Variants in COTL1 observed in about 807,000 individuals in gnomAD.
COTL1 encodes coactosin like F-actin binding protein 1, also known as coactosin-like protein.
In COTL1, 15 loss-of-function variants were observed where a neutral mutation model predicts 16.5. That is an observed-to-expected ratio of 0.91 (90% CI 0.61 to 1.40). COTL1 has a LOEUF of 1.40. Among genes scored for constraint, COTL1 ranks in the 40% most tolerant of loss-of-function variants. The pLI is 0.00. For synonymous variants in COTL1, 112 were observed against 85.3 expected, an observed-to-expected ratio of 1.31 and a Z score of -1.73; for missense variants, 220 against 201.5, an observed-to-expected ratio of 1.09 and a Z score of -0.56.
rs1357964821 is a variant in COTL1, at chr16:84,618,063, G to C, written c.-149C>G. The C allele has an allele frequency of 1.3e-5, 3 of 235,870 alleles. No homozygotes were observed. Among genetic ancestry groups the C allele is most frequent in the Non-Finnish European group, 2.1e-5 (3 of 142,532 alleles). The allele number at this position is 235,870 out of a possible 1,614,324, so 14.6% of individuals were successfully genotyped here. On this transcript the variant is annotated 5_prime_UTR_variant, in exon 1 of 4. Transcript: ENST00000262428. Reference sequence around the variant, plus strand: ...CGCGGCGCCTGCAAGCTGCGAGCGCGGCGGCGGCTTCCACTGCGGACGGAG... The same window carrying C: ...CGCGGCGCCTGCAAGCTGCGAGCGCCGCGGCGGCTTCCACTGCGGACGGAG...
At chr16:84,604,283 C>G in intron 2 of COTL1, among the ~76,000 whole-genome samples, 1 of 105,770 alleles carries the variant, frequency 9.5e-6, no homozygotes, top group Non-Finnish European at 2.0e-5. Flanking sequence ...ACAGCCCTCA[C>G]CCCCTGCTCT....
chr16:84,575,835 G>C (rs1215862344), intron 3 of COTL1: 2 of 152,218 alleles, frequency 1.3e-5, no homozygotes, highest in African/African-American at 4.8e-5. Context: ...GCGGACAATA[G>C]CAGCTTCACA....
At chr16:84,604,243 C>T (rs554311464) in intron 2 of COTL1, among the ~76,000 whole-genome samples, 1 of 84,600 alleles carries the variant, frequency 1.2e-5, no homozygotes, top group South Asian at 4.3e-4. Context: ...CGGTCCCCAC[C>T]CCCTGCTCCC....
intron 3 of COTL1, among the ~76,000 whole-genome samples, chr16:84,578,906 CACAT>C (rs1247730089): frequency 4.0e-5 from 6 of 151,708 alleles, no homozygotes; most frequent in East Asian, 1.9e-4. Context: ...CACACACAGA[CACAT>C]GCATGCATAC....
rs183660521 is a variant in COTL1, at chr16:84,587,789, T to C, written c.318+2316A>G. Among the ~76,000 whole-genome samples, 501 of 152,018 alleles carry C rather than the reference T, an allele frequency of 3.3e-3. 18 individuals are homozygous for C. The highest frequency in any genetic ancestry group is 0.026 in the Admixed American group (392 of 15,256). ...TCCTATCATTATTTATTTATTTATTTATTTATTTTATTTATTTTTTTGGAG... is the reference window on the plus strand; with the variant it reads ...TCCTATCATTATTTATTTATTTATTCATTTATTTTATTTATTTTTTTGGAG... On this transcript the variant is annotated intron_variant, in intron 3 of 3. Coordinates refer to ENST00000262428, the MANE Select transcript of COTL1 (RefSeq NM_021149.5).
At chr16:84,578,708 T>TGCACACACACAGGC (rs948260074) in intron 3 of COTL1, among the ~76,000 whole-genome samples, 10 of 146,944 alleles carry the variant, frequency 6.8e-5, no homozygotes, top group Non-Finnish European at 1.4e-4. Flanking sequence ...CCCACACAGG[T>TGCACACACACAGGC]GCACACACAC....
At chr16:84,592,575 C>T (rs1161908702) in intron 2 of COTL1, among the ~76,000 whole-genome samples, 1 of 146,694 alleles carries the variant, frequency 6.8e-6, no homozygotes, top group Non-Finnish European at 1.5e-5. Context: ...GCTGATGCTA[C>T]TGGTCAAAGG....
chr16:84,617,603 A>C lies in COTL1; in HGVS notation c.78-20T>G. 6.5e-7 allele frequency: 1 copy of C among 1,549,258 alleles called. No homozygotes were observed. Among genetic ancestry groups the C allele is most frequent in the South Asian group, 1.2e-5 (1 of 84,046 alleles). On this transcript the variant is annotated intron_variant, in intron 1 of 3. Transcript: ENST00000262428. ...GTCACCCTTTGGGTTGGGAGAAGAA[A>C]AAAACACACACACACATCAGCGCTG...
chr16:84,617,776 G>T, intron 1 of COTL1, 62 bp downstream of exon 1: 8 of 1,490,844 alleles, frequency 5.4e-6, no homozygotes, highest in Non-Finnish European at 7.3e-6. Context: ...AGGCCGGCTC[G>T]GTGCACGAGG....
Position 84,581,164 on chromosome 16 carries a change from A to T in COTL1, c.318+8941T>A, listed in dbSNP as rs12919217. ...CTAAAAACAAACAAACAAACAAATA[A>T]ATATATGTATGTATGTATGTATGTA... is the stretch of plus-strand genomic sequence containing the variant. On this transcript the variant is annotated intron_variant, in intron 3 of 3. Transcript: ENST00000262428. Among the ~76,000 whole-genome samples the T allele has an allele frequency of 3.8e-3, 559 of 147,006 alleles. 2 individuals carry two copies. The highest frequency in any genetic ancestry group is 0.012 in the African/African-American group (472 of 38,690).
chr16:84,576,795 A>G (rs1393143314), intron 3 of COTL1: 1 of 152,264 alleles, frequency 6.6e-6, no homozygotes, highest in Non-Finnish European at 1.5e-5. Context: ...TTGGGATCAG[A>G]GCATAGCTCT....
chr16:84,596,385 C>T (rs1905005683), intron 2 of COTL1: 1 of 152,256 alleles, frequency 6.6e-6, no homozygotes, highest in Non-Finnish European at 1.5e-5. Context: ...TCCTCATCCA[C>T]AAAATGGGTC....
intron 3 of COTL1, among the ~76,000 whole-genome samples, chr16:84,581,328 G>C (rs1294416866): frequency 6.6e-6 from 1 of 152,158 alleles, no homozygotes. Context: ...ACGCCACATA[G>C]AAATAAACAG....
chr16:84,588,179 G>A (rs558263356), intron 3 of COTL1, among the ~76,000 whole-genome samples: 23 of 152,046 alleles, frequency 1.5e-4, no homozygotes, highest in Admixed American at 8.5e-4. Flanking sequence ...CCAGGAATTC[G>A]AGGCCAGCCT....
chr16:84,606,989 A>G lies in COTL1; in HGVS notation c.160+10512T>C, dbSNP rs574185012. 1.6e-3 allele frequency among the ~76,000 whole-genome samples: 243 copies of G among 152,300 alleles called. 1 individual carries two copies. Among genetic ancestry groups the G allele is most frequent in the African/African-American group, 5.6e-3 (234 of 41,556 alleles). ...TGCTGGGAAAAGCCTATGACCCAGG[A>G]TTCAGCCCATGACTTGGGCCCACTC... is the stretch of plus-strand genomic sequence containing the variant. On this transcript the variant is annotated intron_variant, in intron 2 of 3. Transcript: ENST00000262428.
rs1206699629 is a variant in COTL1 at position 84,617,546 on chromosome 16, C to T, written c.115G>A (p.Gly39Ser). The T allele has an allele frequency of 7.1e-6, 11 of 1,558,394 alleles. No homozygotes were observed. The South Asian group carries it at 7.1e-5, about 10-fold the overall frequency. Reference protein sequence around the residue: ...FKYDGSTIVPGEQGAEYQHFI... With the variant: ...FKYDGSTIVPSEQGAEYQHFI... ...TGCTGGTACTCCGCTCCCTGCTCGC[C>T]GGGGACGATGGTGGAGCCGTCATAT... Residue 39 changes from glycine to serine, a missense_variant, in exon 2 of 4, where the codon GGC becomes AGC. Physicochemically the swap from Gly to Ser is moderately conservative, Grantham distance 56. Coordinates refer to ENST00000262428, the MANE Select transcript of COTL1 (RefSeq NM_021149.5).
In COTL1 at chr16:84,617,853, C is replaced by A; in HGVS notation, c.62G>T (p.Gly21Val). Residue 21 changes from glycine (G) to valine (V), a missense_variant, in exon 1 of 4, where the codon GGC (glycine) becomes GTC (valine). Coordinates refer to ENST00000262428, the MANE Select transcript of COTL1 (RefSeq NM_021149.5). ...RAAYNLVRDD[G>V]SAVIWVTFKY... ...AAGTTCCTACCAGATGACGGCCGAG[C>A]CGTCGTCGCGCACCAGGTTGTACGC... 6.3e-7 allele frequency: 1 copy of A among 1,575,174 alleles called. No homozygotes were observed. The highest frequency in any genetic ancestry group is 8.6e-7 in the Non-Finnish European group (1 of 1,161,390).
chr16:84,590,138 C>G lies in COTL1; in HGVS notation c.285G>C (p.Gly95=), dbSNP rs1238457675. The change falls in exon 3 of 4, where the codon GGG becomes GGC. Residue 95 remains glycine, a synonymous_variant. Transcript: ENST00000262428. The surrounding 1 kb of genome is among the most constrained non-coding windows in gnomAD (Gnocchi z 5.5). ...NVSGLQRAKT[G]TDKTLVKEVV... is the part of the protein sequence containing the mutation. ...CCTCCTTCACCAGGGTCTTGTCCGT[C>G]CCGGTTTTGGCGCGCTGCAGCCCGC... 1 of 1,614,106 alleles carries G rather than the reference C, an allele frequency of 6.2e-7. No individual in the cohort carries two copies. The highest frequency in any genetic ancestry group is 1.7e-5 in the Admixed American group (1 of 60,030).
intron 2 of COTL1, among the ~76,000 whole-genome samples, chr16:84,612,022 C>A (rs1436721721): frequency 6.6e-6 from 1 of 152,124 alleles, no homozygotes; most frequent in Non-Finnish European, 1.5e-5. Flanking sequence ...AGCTCAGCAC[C>A]CATTTCCTTC....
Sources: gnomAD v4.1 joint callset for allele counts (sites outside exome capture counted in the v4.1 genomes callset) on GRCh38, gnomAD v4.1.1 for gene constraint, Gnocchi (gnomAD v3.1) non-coding constraint, MANE v1.5 for transcripts, NCBI Gene and HGNC (gene_info 2026-07-23, HGNC 2026-07-21) for gene names.